CLIP4: variants seen among roughly 807,000 people sequenced by gnomAD.
CLIP4 encodes CAP-Gly domain-containing linker protein 4.
CLIP4 carries 47 observed loss-of-function variants against 73.1 expected under a neutral mutation model. That is an observed-to-expected ratio of 0.64 (90% confidence interval 0.51 to 0.82). CLIP4 has a LOEUF of 0.82. Ranked by LOEUF, CLIP4 falls within the 40% of genes least tolerant of loss-of-function variation. The pLI, the probability that CLIP4 is intolerant of heterozygous loss-of-function variation, is 0.00. For synonymous variants in CLIP4, 306 were observed against 295.4 expected (o/e 1.04, Z -0.37); for missense variants, 874 against 852.9 (o/e 1.02, Z -0.31).
chr2:29,128,521 A>G (rs940037586), intron 2 of CLIP4, among the ~76,000 whole-genome samples: 3 of 152,130 alleles, frequency 2.0e-5, no homozygotes, highest in Non-Finnish European at 4.4e-5. Flanking sequence ...ACATGAAATT[A>G]TCTTGACAAA....
At position 29,181,895 on chromosome 2, in the gene CLIP4, C is replaced by T; in HGVS notation, c.*2C>T. ...AAACTTGTGGATGAGAATTGTTAAG[C>T]TTCTAAAATATTAAATAAGCTCAAA... is the stretch of plus-strand genomic sequence containing the variant. On this transcript the variant is annotated 3_prime_UTR_variant, in exon 16 of 16. Transcript: ENST00000320081. 1 of 1,587,114 alleles carries T rather than the reference C, an allele frequency of 6.3e-7. No individual in the cohort carries two copies. The highest frequency in any genetic ancestry group is 1.1e-5 in the South Asian group (1 of 87,914).
chr2:29,159,691 A>C (rs1185218411), intron 11 of CLIP4, among the ~76,000 whole-genome samples: 29 of 101,010 alleles, frequency 2.9e-4, no homozygotes, highest in African/African-American at 7.5e-4. Flanking sequence ...TTTAAAAAAA[A>C]AAAAAAAAAA....
intron 6 of CLIP4, among the ~76,000 whole-genome samples, chr2:29,141,634 T>C (rs1188746223): frequency 6.6e-6 from 1 of 152,170 alleles, no homozygotes; most frequent in South Asian, 2.1e-4. Flanking sequence ...AGTGATCATC[T>C]GCTCCTTTTT....
At chr2:29,101,295 C>T (rs796900828) in intron 1 of CLIP4, among the ~76,000 whole-genome samples, 2 of 120,532 alleles carry the variant, frequency 1.7e-5, no homozygotes, top group Admixed American at 8.4e-5. Context: ...TTCCCCCCCC[C>T]AAAACAAAAA....
chr2:29,111,383 C>T (rs1029148056), upstream of CLIP4, among the ~76,000 whole-genome samples: 2 of 152,192 alleles, frequency 1.3e-5, no homozygotes, highest in African/African-American at 4.8e-5. Context: ...ACTGGCAGTG[C>T]TCAGAGTATT....
In CLIP4 at chr2:29,174,454, TAAGAA is replaced by T; in HGVS notation, c.1796+10_1796+14del. ...AGAAATGCTTTTTCCAAGTGAGTATTAAGAAGATTTAGAAAAACACCTTTCAAGAT... is the reference window on the plus strand; with the variant it reads ...AGAAATGCTTTTTCCAAGTGAGTATTGATTTAGAAAAACACCTTTCAAGAT... On this transcript the variant is annotated intron_variant, in intron 15 of 15. Coordinates refer to ENST00000320081, the MANE Select transcript of CLIP4 (RefSeq NM_024692.6). 6.2e-7 allele frequency: 1 copy of T among 1,607,548 alleles called. No homozygotes were observed. The highest frequency in any genetic ancestry group is 2.2e-5 in the East Asian group (1 of 44,734).
At chr2:29,149,216 G>A (rs1666376906) in intron 8 of CLIP4, among the ~76,000 whole-genome samples, 1 of 152,102 alleles carries the variant, frequency 6.6e-6, no homozygotes, top group African/African-American at 2.4e-5. Flanking sequence ...GCCAGGATAT[G>A]GCTGTTGGGC....
At chr2:29,178,772 T>C (rs1668488278) in intron 15 of CLIP4, among the ~76,000 whole-genome samples, 1 of 152,158 alleles carries the variant, frequency 6.6e-6, no homozygotes, top group South Asian at 2.1e-4. Context: ...TCTCTGCATA[T>C]ATGTGTGTGT....
At chr2:29,176,718 G>T (rs533206750) in intron 15 of CLIP4, among the ~76,000 whole-genome samples, 1 of 152,124 alleles carries the variant, frequency 6.6e-6, no homozygotes, top group African/African-American at 2.4e-5. Flanking sequence ...TGTACATCCC[G>T]CCTGGGATCT....
chr2:29,143,048 A>G (rs1261901557), intron 6 of CLIP4, among the ~76,000 whole-genome samples: 1 of 152,182 alleles, frequency 6.6e-6, no homozygotes, highest in Non-Finnish European at 1.5e-5. Context: ...CATAGTTTCT[A>G]GTTTTGAAAT....
chr2:29,159,860 G>A (rs1667175263), intron 11 of CLIP4, among the ~76,000 whole-genome samples: 3 of 152,180 alleles, frequency 2.0e-5, no homozygotes. Flanking sequence ...AAGTTCTTTG[G>A]AATGCAGCCA....
rs143092065 is a variant in CLIP4, at chr2:29,154,220, C to T, written c.1165+1392C>T. 3.7e-4 allele frequency among the ~76,000 whole-genome samples: 57 copies of T among 152,188 alleles called. 1 individual carries two copies. Among genetic ancestry groups the T allele is most frequent in the Non-Finnish European group, 6.6e-4 (45 of 68,018 alleles). ...TTTTAACCTGAAGCCCAGAAGTATA[C>T]GGTAAATATAGACAGAAAGCTCCAA... On this transcript the variant is annotated intron_variant, in intron 9 of 15. Coordinates refer to ENST00000320081, the MANE Select transcript of CLIP4 (RefSeq NM_024692.6).
chr2:29,135,772 G>A (rs1665308401), intron 6 of CLIP4, 106 bp downstream of exon 6: 3 of 702,912 alleles, frequency 4.3e-6, no homozygotes, highest in Admixed American at 6.4e-5. Context: ...TCTTACATGA[G>A]CAAGTAATTT....
intron 2 of CLIP4, among the ~76,000 whole-genome samples, chr2:29,123,930 G>A (rs1209024669): frequency 6.6e-6 from 1 of 152,130 alleles, no homozygotes; most frequent in Non-Finnish European, 1.5e-5. Context: ...CTTTTGCTTT[G>A]AAATGCCTTC....
At chr2:29,140,034 A>T (rs1001379545) in intron 6 of CLIP4, among the ~76,000 whole-genome samples, 5 of 150,812 alleles carry the variant, frequency 3.3e-5, no homozygotes, top group African/African-American at 9.7e-5. Flanking sequence ...GTTTGTTCTT[A>T]TTTATTTTTT....
rs1558520150 is a variant in CLIP4, at chr2:29,124,603, AACTCACTGATT to A, written c.133+3083_133+3093del. ...TATAGACTGCTTGAAGTTGTCCCAT[AACTCACTGATT>A]TATTTTATATTTAAACATTTTTTTC... is the stretch of plus-strand genomic sequence containing the variant. On this transcript the variant is annotated intron_variant, in intron 2 of 15. Transcript: ENST00000320081. Among the ~76,000 whole-genome samples the A allele has an allele frequency of 3.3e-5, 5 of 151,998 alleles. No homozygotes were observed. The East Asian group carries it at 7.7e-4, about 24-fold the overall frequency.
Position 29,143,794 on chromosome 2 carries a change from AG to A in CLIP4, c.736del (p.Glu246LysfsTer7), listed in dbSNP as rs1256521726. On this transcript the variant is annotated frameshift_variant, in exon 7 of 16. Coordinates refer to ENST00000320081, the MANE Select transcript of CLIP4 (RefSeq NM_024692.6). LOFTEE classifies it high-confidence loss of function. ...ATGGCTGACGCCGCAGCCACTGCTA[AG>A]GAAATCAAGCAGATGCTTCTAGATG... ...LEMADAAATAKEIKQMLLDAV... is the reference protein window; with the variant it reads ...LEMADAAATAXEIKQMLLDAV... 2.0e-5 allele frequency: 32 copies of A among 1,614,068 alleles called. No homozygotes were observed. Among genetic ancestry groups the A allele is most frequent in the Non-Finnish European group, 2.5e-5 (30 of 1,179,998 alleles).
At chr2:29,117,225 A>G (rs151186235) in intron 1 of CLIP4, among the ~76,000 whole-genome samples, 1 of 152,310 alleles carries the variant, frequency 6.6e-6, no homozygotes, top group East Asian at 1.9e-4. Flanking sequence ...GCATTACCCA[A>G]TATGGTAGCA....
chr2:29,146,089 G>A (rs1666145941), intron 8 of CLIP4, among the ~76,000 whole-genome samples: 1 of 152,238 alleles, frequency 6.6e-6, no homozygotes, highest in Non-Finnish European at 1.5e-5. Flanking sequence ...TTGGGAAAGT[G>A]TCTTTCTTGG....
Sources: gnomAD v4.1 joint callset for allele counts (sites outside exome capture counted in the v4.1 genomes callset) on GRCh38, gnomAD v4.1.1 for gene constraint, MANE v1.5 for transcripts, NCBI Gene and HGNC (gene_info 2026-07-23, HGNC 2026-07-21) for gene names.